Variants in CHM observed in about 807,000 individuals in gnomAD.
CHM encodes the protein CHM Rab escort protein.
A neutral mutation model predicts 49.0 loss-of-function variants in CHM; 10 were observed. The observed-to-expected ratio is 0.20, with a 90% CI of 0.13 to 0.35. CHM has a LOEUF of 0.35. CHM is among the 10% of genes least tolerant of loss of function. CHM has a pLI of 1.00. For synonymous variants in CHM, 184 were observed against 167.5 expected (o/e 1.10, Z -0.76); for missense variants, 455 against 478.4 (o/e 0.95, Z 0.46).
At chrX:85,981,206 C>CTATTTCTATATATATA (rs1555958595) in intron 3 of CHM, among the ~76,000 whole-genome samples, 3 of 54,359 alleles carry the variant, frequency 5.5e-5, no homozygotes, top group South Asian at 7.2e-4. Flanking sequence ...ATTTCTATTT[C>CTATTTCTATATATATA]TATATATATA....
intron 1 of CHM, among the ~76,000 whole-genome samples, chrX:86,042,835 A>T (rs1165434536): frequency 9.1e-6 from 1 of 109,713 alleles, no homozygotes; most frequent in Non-Finnish European, 1.9e-5. Context: ...AAAAAAAATT[A>T]AAAAATAAAC....
At chrX:85,890,894 T>C (rs1925401644) in intron 12 of CHM, among the ~76,000 whole-genome samples, 1 of 111,518 alleles carries the variant, frequency 9.0e-6, no homozygotes, top group Non-Finnish European at 1.9e-5. Context: ...CCTGGAGACC[T>C]GTTGAATGGC....
chrX:85,956,950 T>C (rs368129036), intron 7 of CHM, among the ~76,000 whole-genome samples: 1 of 111,625 alleles, frequency 9.0e-6, no homozygotes, highest in Non-Finnish European at 1.9e-5. Flanking sequence ...TATAATGTAA[T>C]TGGACTGTTA....
Position 85,899,686 on chromosome X carries a change from C to T in CHM, c.1413+960G>A, listed in dbSNP as rs1357862549. On this transcript the variant is annotated intron_variant, in intron 11 of 14. Coordinates refer to ENST00000357749, the MANE Select transcript of CHM (RefSeq NM_000390.4). Reference sequence around the variant, plus strand: ...TCCAAAATGCTCTAAACCCACCCCCCGCCCCAAAAAAACCCCTAAAATCCA... The same window carrying T: ...TCCAAAATGCTCTAAACCCACCCCCTGCCCCAAAAAAACCCCTAAAATCCA... Among the ~76,000 whole-genome samples the T allele has an allele frequency of 5.2e-4, 34 of 66,019 alleles. 1 individual carries two copies. Among genetic ancestry groups the T allele is most frequent in the Admixed American group, 1.1e-3 (5 of 4,632 alleles). 57.3% of individuals were successfully genotyped at this position (66,019 alleles called of 115,157 possible).
chrX:85,873,299 C>T, intron 13 of CHM, 87 bp from the exon 14 acceptor site: 1 of 641,401 alleles, frequency 1.6e-6, no homozygotes, highest in Non-Finnish European at 2.4e-6. Context: ...CCGATTAAGC[C>T]ATGACTAGAC....
intron 2 of CHM, among the ~76,000 whole-genome samples, chrX:86,026,384 A>C (rs1364862856): frequency 9.1e-6 from 1 of 109,339 alleles, no homozygotes; most frequent in Non-Finnish European, 1.9e-5. Flanking sequence ...CGCCCACCTC[A>C]GCCTCCCAAA....
intron 12 of CHM, among the ~76,000 whole-genome samples, chrX:85,889,814 G>A (rs1017739633): frequency 4.5e-5 from 5 of 111,885 alleles, no homozygotes; most frequent in Non-Finnish European, 7.5e-5. Context: ...GCCAATCAAC[G>A]GTGGACTGGA....
At chrX:85,895,592 T>C (rs1925779614) in intron 11 of CHM, among the ~76,000 whole-genome samples, 1 of 112,240 alleles carries the variant, frequency 8.9e-6, no homozygotes, top group Non-Finnish European at 1.9e-5. Context: ...CTATGCTACA[T>C]TTTGACTGAG....
chrX:85,911,217 A>ATATATATATATG (rs1926992962), intron 9 of CHM, 44 bp downstream of exon 9: 2 of 66,758 alleles, frequency 3.0e-5, no homozygotes, highest in African/African-American at 1.8e-4. Flanking sequence ...ATATATATGA[A>ATATATATATATG]TATATATATA....
chrX:85,969,135 T>C (rs757731560), intron 4 of CHM: 35 of 700,122 alleles, frequency 5.0e-5, no homozygotes, highest in East Asian at 1.6e-4. Flanking sequence ...ATGAATACAT[T>C]AGAGTTGGTT....
intron 9 of CHM, among the ~76,000 whole-genome samples, chrX:85,904,459 C>A (rs1037219035): frequency 2.7e-5 from 3 of 111,654 alleles, no homozygotes; most frequent in Non-Finnish European, 5.6e-5. Context: ...AACTCAAAAT[C>A]TGGAATTTGG....
chrX:85,972,049 G>C (rs1930952358), intron 4 of CHM, among the ~76,000 whole-genome samples: 1 of 110,799 alleles, frequency 9.0e-6, no homozygotes. Context: ...GCTAGATACA[G>C]AGTGTCGATT....
intron 2 of CHM, among the ~76,000 whole-genome samples, chrX:86,005,308 G>A (rs1378165385): frequency 8.9e-6 from 1 of 111,964 alleles, no homozygotes; most frequent in Non-Finnish European, 1.9e-5. Context: ...ACAAGAGAAA[G>A]CAGGAAAGAT....
intron 8 of CHM, among the ~76,000 whole-genome samples, chrX:85,946,696 T>C (rs1929433820): frequency 1.8e-5 from 2 of 111,192 alleles, no homozygotes; most frequent in Admixed American, 9.5e-5. Context: ...GGACAGTACA[T>C]AGGGAAAATG....
In CHM at chrX:86,033,877, TC is replaced by T. The variant is rs776490797; in HGVS notation, c.50-6321del. On this transcript the variant is annotated intron_variant, in intron 1 of 14. Coordinates refer to ENST00000357749, the MANE Select transcript of CHM (RefSeq NM_000390.4). ...TGTAATTTAAAATCTCTGAACTTCT[TC>T]CTCGTGGAACAAAATGTGTATTTAT... 9.8e-5 allele frequency among the ~76,000 whole-genome samples: 11 copies of T among 112,257 alleles called. No homozygotes were observed. In the South Asian group the frequency reaches 4.1e-3, roughly 42 times the overall value.
At chrX:86,011,960 G>A (rs1009727092) in intron 2 of CHM, among the ~76,000 whole-genome samples, 1 of 111,937 alleles carries the variant, frequency 8.9e-6, no homozygotes, top group African/African-American at 3.2e-5. Context: ...CCTTGACTTC[G>A]TCCCCGTAAG....
chrX:85,921,128 G>T (rs1038968079), intron 8 of CHM, among the ~76,000 whole-genome samples: 1 of 111,798 alleles, frequency 8.9e-6, no homozygotes, highest in African/African-American at 3.3e-5. Context: ...AAAGTATACT[G>T]GTAAGCTAGA....
At chrX:85,949,305 T>C (rs1255089793) in intron 8 of CHM, among the ~76,000 whole-genome samples, 1 of 112,141 alleles carries the variant, frequency 8.9e-6, no homozygotes, top group African/African-American at 3.2e-5. Flanking sequence ...CATTTTTTAA[T>C]GTATGAATTA....
intron 8 of CHM, among the ~76,000 whole-genome samples, chrX:85,911,589 C>A (rs1243890189): frequency 9.2e-6 from 1 of 109,047 alleles, no homozygotes; most frequent in African/African-American, 3.3e-5. Flanking sequence ...AGAAGTGTCC[C>A]TAAGCAAGAG....
Sources: allele counts gnomAD v4.1 joint callset (sites outside exome capture counted in the v4.1 genomes callset), GRCh38; gene constraint gnomAD v4.1.1; transcripts MANE v1.5; gene names NCBI Gene and HGNC (gene_info 2026-07-23, HGNC 2026-07-21).